Variants in GXYLT2 observed in about 807,000 individuals in gnomAD.
GXYLT2 encodes glycosyltransferase 8 domain containing 4.
A neutral mutation model predicts 45.8 loss-of-function variants in GXYLT2; 53 were observed. The observed-to-expected ratio is 1.16, with a 90% confidence interval of 0.93 to 1.46. GXYLT2 has a LOEUF of 1.46. GXYLT2 is among the 40% of genes most tolerant of loss of function. The probability of loss-of-function intolerance (pLI) is 0.00; values close to 1 mark genes in which losing one functional copy is unlikely to be tolerated. For synonymous variants in GXYLT2, 219 were observed against 214.2 expected (o/e 1.02, Z -0.19); for missense variants, 551 against 544.4 (o/e 1.01, Z -0.12).
intron 6 of GXYLT2, among the ~76,000 whole-genome samples, chr3:72,968,555 C>T (rs1401613158): frequency 6.6e-6 from 1 of 152,182 alleles, no homozygotes; most frequent in Non-Finnish European, 1.5e-5. Flanking sequence ...CCATTTTTCC[C>T]CACCAAAGGG....
chr3:72,966,311 T>C lies in GXYLT2; in HGVS notation c.977-1236T>C, dbSNP rs562509004. The stretch of plus-strand genomic sequence containing the variant: ...GGGGTTTTTGCTGTTTTTTTTTTTT[T>C]CTTTGGTTTTTTGTTTGTTCTTAAT... On this transcript the variant is annotated intron_variant, in intron 5 of 6. Coordinates refer to ENST00000389617, the MANE Select transcript of GXYLT2 (RefSeq NM_001080393.2). 1.7e-4 allele frequency among the ~76,000 whole-genome samples: 25 copies of C among 145,050 alleles called. No individual in the cohort carries two copies. The East Asian group carries it at 2.2e-3, about 13-fold the overall frequency.
chr3:72,900,673 C>T (rs544558408), intron 1 of GXYLT2, among the ~76,000 whole-genome samples: 4 of 152,078 alleles, frequency 2.6e-5, no homozygotes, highest in Non-Finnish European at 4.4e-5. Flanking sequence ...CCGCCTCGGC[C>T]TCCCAAAGTG....
At chr3:72,931,093 A>G (rs868692555) in intron 3 of GXYLT2, among the ~76,000 whole-genome samples, 95 of 152,376 alleles carry the variant, frequency 6.2e-4, no homozygotes, top group African/African-American at 2.2e-3. Flanking sequence ...TGTAAAAAGC[A>G]TAAAAGGATT....
At chr3:72,924,374 T>C (rs1324845222) in intron 3 of GXYLT2, among the ~76,000 whole-genome samples, 1 of 151,988 alleles carries the variant, frequency 6.6e-6, no homozygotes, top group Admixed American at 6.6e-5. Context: ...TTTTATTTTT[T>C]GTAGAGATGA....
rs537514992 is a variant in GXYLT2 at position 72,888,584 on chromosome 3, G to C, written c.275+76G>C. 324 of 982,798 alleles carry C rather than the reference G, an allele frequency of 3.3e-4. 2 individuals carry two copies. The African/African-American group carries it at 5.2e-3, about 16-fold the overall frequency. The allele number at this position is 982,798 out of a possible 1,614,324, so 60.9% of individuals were successfully genotyped here. On this transcript the variant is annotated intron_variant, in intron 1 of 6. Transcript: ENST00000389617. ...CTACACCCGTGCCAAGTCCAAGGGA[G>C]GCTTTGCGCTGGAGAGACAGATTTC...
intron 2 of GXYLT2, among the ~76,000 whole-genome samples, chr3:72,913,611 C>A (rs555995140): frequency 6.6e-6 from 1 of 152,022 alleles, no homozygotes; most frequent in African/African-American, 2.4e-5. Context: ...ATGAGAATCA[C>A]TTGAACCTGG....
At chr3:72,926,117 T>C (rs1199372322) in intron 3 of GXYLT2, among the ~76,000 whole-genome samples, 1 of 152,242 alleles carries the variant, frequency 6.6e-6, no homozygotes, top group Non-Finnish European at 1.5e-5. Flanking sequence ...GCAAACATTC[T>C]ATCAGGTAGT....
At chr3:72,956,474 G>C (rs939246588) in intron 4 of GXYLT2, among the ~76,000 whole-genome samples, 2 of 152,116 alleles carry the variant, frequency 1.3e-5, no homozygotes, top group South Asian at 2.1e-4. Context: ...TTTTCCTTAA[G>C]ATACCTGAAC....
At chr3:72,970,696 C>G (rs1285289679) in intron 6 of GXYLT2, among the ~76,000 whole-genome samples, 2 of 152,088 alleles carry the variant, frequency 1.3e-5, no homozygotes, top group East Asian at 3.9e-4. Context: ...CCCCCCGTCT[C>G]TACTAAAAAT....
intron 3 of GXYLT2, chr3:72,929,568 A>G: frequency 1.8e-6 from 2 of 1,116,456 alleles, no homozygotes; most frequent in South Asian, 2.5e-5. Context: ...TGACAAGCAC[A>G]CGCTGGGAGA....
At chr3:72,971,210 G>A (rs1378175209) in intron 6 of GXYLT2, among the ~76,000 whole-genome samples, 1 of 152,046 alleles carries the variant, frequency 6.6e-6, no homozygotes, top group Admixed American at 6.6e-5. Flanking sequence ...GTTTTCTGGG[G>A]GATCAGAAAG....
chr3:72,952,218 G>C (rs1007946104), intron 3 of GXYLT2, among the ~76,000 whole-genome samples: 3 of 151,754 alleles, frequency 2.0e-5, no homozygotes, highest in African/African-American at 7.3e-5. Flanking sequence ...GGCCAGGCTG[G>C]TCTCAAACTC....
At chr3:72,904,829 C>T (rs1478534484) in intron 1 of GXYLT2, among the ~76,000 whole-genome samples, 5 of 145,868 alleles carry the variant, frequency 3.4e-5, no homozygotes, top group South Asian at 2.2e-4. Flanking sequence ...TCACTTGAGG[C>T]GAGGCATTCG....
At chr3:72,897,691 C>G (rs1709320459) in intron 1 of GXYLT2, among the ~76,000 whole-genome samples, 1 of 152,076 alleles carries the variant, frequency 6.6e-6, no homozygotes, top group Non-Finnish European at 1.5e-5. Flanking sequence ...AGTGGTATGC[C>G]CATTTTACAG....
chr3:72,934,428 C>T (rs1404722482), intron 3 of GXYLT2, among the ~76,000 whole-genome samples: 3 of 151,986 alleles, frequency 2.0e-5, no homozygotes, highest in Admixed American at 6.6e-5. Flanking sequence ...TCTAGGACAA[C>T]CAGAATAGTA....
At chr3:72,906,495 C>A (rs1709512965) in intron 1 of GXYLT2, among the ~76,000 whole-genome samples, 1 of 152,180 alleles carries the variant, frequency 6.6e-6, no homozygotes, top group Non-Finnish European at 1.5e-5. Context: ...TACTGTCTAG[C>A]TTTCTATATA....
intron 2 of GXYLT2, among the ~76,000 whole-genome samples, chr3:72,915,391 G>C (rs1320176554): frequency 8.6e-6 from 1 of 116,914 alleles, no homozygotes; most frequent in Non-Finnish European, 1.6e-5. Flanking sequence ...ATAGCCCATA[G>C]AAAGAGATGA....
At chr3:72,972,420 C>A (rs1711002974) in intron 6 of GXYLT2, among the ~76,000 whole-genome samples, 1 of 151,850 alleles carries the variant, frequency 6.6e-6, no homozygotes, top group South Asian at 2.1e-4. Flanking sequence ...GCAGGTGGAT[C>A]ACCTGAGGTC....
intron 3 of GXYLT2, among the ~76,000 whole-genome samples, chr3:72,954,017 G>C (rs1710576792): frequency 6.6e-6 from 1 of 152,172 alleles, no homozygotes; most frequent in Non-Finnish European, 1.5e-5. Context: ...CTTGAGTCCA[G>C]GAGATTGAGA....
Sources: gnomAD v4.1 joint callset for allele counts (sites outside exome capture counted in the v4.1 genomes callset) on GRCh38, gnomAD v4.1.1 for gene constraint, MANE v1.5 for transcripts, NCBI Gene and HGNC (gene_info 2026-07-23, HGNC 2026-07-21) for gene names.